NBR1: variants seen among roughly 807,000 people sequenced by gnomAD.
NBR1 encodes the protein next to BRCA1 gene 1 protein.
A neutral mutation model predicts 115.5 loss-of-function variants in NBR1; 59 were observed. The ratio of observed to expected loss-of-function variants is 0.51; its 90% confidence interval spans 0.41 to 0.63. The LOEUF (loss-of-function observed/expected upper bound fraction) is 0.63, where lower values mean the gene tolerates loss of function less well. Among genes scored for constraint, NBR1 ranks in the 30% least tolerant of loss-of-function variants. The pLI is 0.00. For synonymous variants in NBR1, 373 were observed against 414.7 expected (o/e 0.90, Z 1.22); for missense variants, 1,043 against 1,150.5 (o/e 0.91, Z 1.35).
intron 5 of NBR1, 147 bp downstream of exon 5, chr17:43,180,964 C>G (rs2056649009): frequency 1.2e-6 from 1 of 847,788 alleles, no homozygotes; most frequent in South Asian, 3.9e-5. Flanking sequence ...CTTCACCTCC[C>G]AGGCTTAAGT....
intron 5 of NBR1, among the ~76,000 whole-genome samples, chr17:43,185,224 G>A (rs1394763101): frequency 6.6e-6 from 1 of 152,028 alleles, no homozygotes; most frequent in African/African-American, 2.4e-5. Flanking sequence ...TACTTTTGTG[G>A]TTTTAATAAC....
intron 8 of NBR1, 69 bp downstream of exon 8, chr17:43,189,871 G>A (rs983502354): frequency 7.4e-7 from 1 of 1,342,578 alleles, no homozygotes; most frequent in African/African-American, 1.4e-5. Context: ...GGCTTTCTGT[G>A]TAGGTAAAGG....
In NBR1 at chr17:43,185,205, G is replaced by T. The variant is rs189914943; in HGVS notation, c.208-1045G>T. On this transcript the variant is annotated intron_variant, in intron 5 of 20. Transcript: ENST00000590996. The stretch of plus-strand genomic sequence containing the variant: ...TTTTTGTTTGTTTTTGTGGAATAAA[G>T]CAACACAATACTTTTGTGGTTTTAA... Among the ~76,000 whole-genome samples the T allele has an allele frequency of 2.3e-3, 343 of 151,874 alleles. 2 individuals are homozygous for T. The highest frequency in any genetic ancestry group is 8.0e-3 in the African/African-American group (333 of 41,416).
At chr17:43,194,132 T>C (rs1457665884) in intron 12 of NBR1, among the ~76,000 whole-genome samples, 3 of 152,224 alleles carry the variant, frequency 2.0e-5, no homozygotes. Flanking sequence ...GTTTTGACTA[T>C]TATAGTTAAT....
chr17:43,199,103 T>G (rs1243467634), intron 16 of NBR1, among the ~76,000 whole-genome samples: 1 of 146,600 alleles, frequency 6.8e-6, no homozygotes. Flanking sequence ...TTTTTTTTTT[T>G]GAGATAAGGT....
At position 43,200,490 on chromosome 17, in the gene NBR1, C is replaced by T; in HGVS notation, c.2350C>T (p.Pro784Ser). Residue 784 changes from proline to serine, a missense_variant, in exon 17 of 21, where the codon CCT becomes TCT. Physicochemically the swap from Pro to Ser is moderately conservative, Grantham distance 74. Transcript: ENST00000590996. The part of the protein sequence containing the change: ...QEPAEAGERL[P>S]GGENQPQEHS... The stretch of plus-strand genomic sequence containing the variant: ...ACCAGCTGAGGCTGGGGAAAGACTC[C>T]CTGGAGGGGAGAACCAGCCACAGGA... 6.2e-7 allele frequency: 1 copy of T among 1,613,738 alleles called. No individual in the cohort carries two copies. The highest frequency in any genetic ancestry group is 8.5e-7 in the Non-Finnish European group (1 of 1,179,816).
intron 1 of NBR1, among the ~76,000 whole-genome samples, chr17:43,171,605 C>G (rs1597954866): frequency 6.6e-6 from 1 of 152,138 alleles, no homozygotes; most frequent in Non-Finnish European, 1.5e-5. Context: ...GGGGTAGTGA[C>G]ACTGTCTTGG....
intron 3 of NBR1, among the ~76,000 whole-genome samples, chr17:43,178,309 A>G (rs1187475060): frequency 1.3e-5 from 2 of 151,132 alleles, no homozygotes; most frequent in African/African-American, 4.9e-5. Context: ...CAGCCTCCCA[A>G]AGTGCTGGGA....
chr17:43,190,896 A>G (rs2056929523), intron 9 of NBR1, 120 bp downstream of exon 9: 1 of 983,582 alleles, frequency 1.0e-6, no homozygotes, highest in African/African-American at 1.6e-5. Flanking sequence ...ATTGATGTGC[A>G]ATAATGAAGA....
In NBR1 at chr17:43,202,728, A is replaced by G; in HGVS notation, c.2621+16A>G. On this transcript the variant is annotated intron_variant, in intron 19 of 20. Transcript: ENST00000590996. ...ACCACTCAAGGTAACAACCTTGTGCAGTCTCTTTTTTCAGAAGCAGGTGGA... is the reference window on the plus strand; with the variant it reads ...ACCACTCAAGGTAACAACCTTGTGCGGTCTCTTTTTTCAGAAGCAGGTGGA... The G allele has an allele frequency of 1.3e-6, 2 of 1,557,146 alleles. No individual in the cohort carries two copies. The highest frequency in any genetic ancestry group is 1.7e-6 in the Non-Finnish European group (2 of 1,147,832).
chr17:43,171,497 T>TG (rs1474122126), intron 1 of NBR1, among the ~76,000 whole-genome samples, 195 bp downstream of exon 1: 1 of 152,184 alleles, frequency 6.6e-6, no homozygotes, highest in Non-Finnish European at 1.5e-5. Context: ...GCCGGAGAGT[T>TG]GGAGAGTCTG....
At chr17:43,203,908 C>A in intron 20 of NBR1, 122 bp downstream of exon 20, 1 of 471,428 alleles carries the variant, frequency 2.1e-6, no homozygotes, top group South Asian at 4.3e-5. Flanking sequence ...TAGATTTAGT[C>A]TTTAGTTAAC....
At chr17:43,194,910 A>C in intron 13 of NBR1, 54 bp from the exon 14 acceptor site, 1 of 1,402,750 alleles carries the variant, frequency 7.1e-7, no homozygotes, top group Non-Finnish European at 1.0e-6. Flanking sequence ...AGGTCCCATC[A>C]AGACATGGCT....
rs1314341910 is a variant in NBR1, at chr17:43,177,926, T to C, written c.103-10T>C. On this transcript the variant is annotated splice_polypyrimidine_tract_variant and intron_variant, in intron 2 of 20. Transcript: ENST00000590996. The stretch of plus-strand genomic sequence containing the variant: ...TATAACCTGCCTTTAAATATGTATC[T>C]CTTTTATAGGTAAAAGTTTCATTTG... 6.6e-7 allele frequency: 1 copy of C among 1,508,206 alleles called. No homozygotes were observed. The highest frequency in any genetic ancestry group is 1.4e-5 in the African/African-American group (1 of 72,242). The allele number at this position is 1,508,206 out of a possible 1,614,324, so 93.4% of individuals were successfully genotyped here.
At chr17:43,180,642 G>A in intron 4 of NBR1, 153 bp from the exon 5 acceptor site, 1 of 867,358 alleles carries the variant, frequency 1.2e-6, no homozygotes, top group Non-Finnish European at 1.5e-6. Context: ...ATGTTGTACA[G>A]TCCATCTTTA....
chr17:43,181,587 A>AG (rs2056665575), intron 5 of NBR1, among the ~76,000 whole-genome samples: 1 of 152,014 alleles, frequency 6.6e-6, no homozygotes, highest in Admixed American at 6.6e-5. Context: ...AATGGCGTGA[A>AG]CCCCGGAGGC....
chr17:43,209,974 T>C lies in NBR1; in HGVS notation c.2801T>C (p.Leu934Pro), dbSNP rs1271288950. 1.9e-6 allele frequency: 3 copies of C among 1,612,716 alleles called. No individual in the cohort carries two copies. In the African/African-American group the frequency reaches 4.0e-5, roughly 22 times the overall value. The change falls in exon 21 of 21, where the codon CTG becomes CCG. Residue 934 changes from leucine (L) to proline (P), a missense_variant. Coordinates refer to ENST00000590996, the MANE Select transcript of NBR1 (RefSeq NM_005899.5). ...LFEMGFCDRQLNLRLLKKHNY... is the reference protein window; with the variant it reads ...LFEMGFCDRQPNLRLLKKHNY... ...GAAATGGGATTCTGTGACAGGCAGC[T>C]GAACCTACGGCTGCTGAAGAAACAC...
At position 43,185,177 on chromosome 17, in the gene NBR1, G is replaced by GT. The variant is rs112615429; in HGVS notation, c.208-1066dup. ...GCCATCTTAAAACCTACTTTTATGG[G>GT]TTTTTTTGTTTGTTTTTGTGGAATA... On this transcript the variant is annotated intron_variant, in intron 5 of 20. Coordinates refer to ENST00000590996, the MANE Select transcript of NBR1 (RefSeq NM_005899.5). Among the ~76,000 whole-genome samples, 753 of 152,090 alleles carry GT rather than the reference G, an allele frequency of 5.0e-3. 10 individuals are homozygous for GT. Among genetic ancestry groups the GT allele is most frequent in the African/African-American group, 0.017 (698 of 41,498 alleles).
Position 43,210,311 on chromosome 17 carries a change from TG to T in NBR1, c.*239del. On this transcript the variant is annotated 3_prime_UTR_variant, in exon 21 of 21. Coordinates refer to ENST00000590996, the MANE Select transcript of NBR1 (RefSeq NM_005899.5). ...TATGAAGACAGTTTTTCAGTTGATT[TG>T]GATAAAACTATTTTAGTGCATTGAC... 2.5e-6 allele frequency: 1 copy of T among 396,362 alleles called. No individual in the cohort carries two copies. The highest frequency in any genetic ancestry group is 4.4e-6 in the Non-Finnish European group (1 of 225,720). The allele number at this position is 396,362 out of a possible 1,614,324, so 24.6% of individuals were successfully genotyped here. A position where few individuals can be genotyped will look rare whatever the true frequency, so the allele number is the denominator to read the frequency against.
Sources: gnomAD v4.1 joint callset for allele counts (sites outside exome capture counted in the v4.1 genomes callset) on GRCh38, gnomAD v4.1.1 for gene constraint, MANE v1.5 for transcripts, NCBI Gene and HGNC (gene_info 2026-07-23, HGNC 2026-07-21) for gene names.